Variants in LUC7L2 observed in about 807,000 individuals in gnomAD.
The protein encoded by LUC7L2 is LUC7 like 2, pre-mRNA splicing factor.
LUC7L2 carries 25 observed loss-of-function variants against 52.8 expected under a neutral mutation model. The ratio of observed to expected loss-of-function variants is 0.47; its 90% confidence interval spans 0.34 to 0.66. The LOEUF is 0.66. LUC7L2 is among the 30% of genes least tolerant of loss of function. The pLI, the probability that LUC7L2 is intolerant of heterozygous loss-of-function variation, is 0.01. For missense variants in LUC7L2, 328 were observed against 497.8 expected (o/e 0.66, Z 3.25); for synonymous variants, 144 against 160.9 (o/e 0.89, Z 0.80).
chr7:139,417,436 T>A, intron 8 of LUC7L2, 102 bp from the exon 9 acceptor site: 5 of 1,422,828 alleles, frequency 3.5e-6, no homozygotes, highest in South Asian at 1.4e-5. Flanking sequence ...ATAATTGACA[T>A]TAAGACTACT....
At chr7:139,348,895 T>G (rs546712027) in intron 1 of LUC7L2, among the ~76,000 whole-genome samples, 1 of 152,032 alleles carries the variant, frequency 6.6e-6, no homozygotes, top group Non-Finnish European at 1.5e-5. Flanking sequence ...GCATGGTGGC[T>G]CACGCCTGTA....
chr7:139,355,628 C>G (rs966457959), upstream of LUC7L2, among the ~76,000 whole-genome samples: 1 of 152,072 alleles, frequency 6.6e-6, no homozygotes, highest in Non-Finnish European at 1.5e-5. Flanking sequence ...ATGGATTTAA[C>G]AACAAATTAG....
At chr7:139,345,761 A>G (rs1799243486) in intron 1 of LUC7L2, 3 of 1,505,974 alleles carry the variant, frequency 2.0e-6, no homozygotes, top group Admixed American at 4.6e-5. Context: ...ATTTCTATCA[A>G]TATGTATTTA....
chr7:139,415,603 G>A (rs10085770), intron 8 of LUC7L2, among the ~76,000 whole-genome samples: 54,227 of 142,000 alleles, frequency 0.38, 14,579 homozygotes, highest in African/African-American at 0.77. Context: ...TTGAGACAGG[G>A]TCTCACTCTG....
At chr7:139,390,100 C>G (rs918039178) in intron 2 of LUC7L2, among the ~76,000 whole-genome samples, 5 of 152,096 alleles carry the variant, frequency 3.3e-5, no homozygotes, top group African/African-American at 1.2e-4. Flanking sequence ...CCGCAGTGAG[C>G]TATGATTGTG....
At chr7:139,383,501 TC>T (rs1801150881) in intron 2 of LUC7L2, among the ~76,000 whole-genome samples, 1 of 152,076 alleles carries the variant, frequency 6.6e-6, no homozygotes, top group Non-Finnish European at 1.5e-5. Context: ...AACCTCTGCC[TC>T]CCGGGCTCAA....
At chr7:139,377,255 C>T (rs944247255) in intron 2 of LUC7L2, among the ~76,000 whole-genome samples, 13 of 152,064 alleles carry the variant, frequency 8.5e-5, no homozygotes, top group African/African-American at 9.7e-5. Context: ...CCAGGCTTGG[C>T]GTGCAGTGGC....
At chr7:139,341,774 C>T (rs1158997566) in intron 1 of LUC7L2, among the ~76,000 whole-genome samples, 2 of 152,166 alleles carry the variant, frequency 1.3e-5, no homozygotes, top group Admixed American at 1.3e-4. Flanking sequence ...GGGGCGGACC[C>T]GTCCCGAAGG....
intron 2 of LUC7L2, among the ~76,000 whole-genome samples, chr7:139,381,048 C>G (rs754423985): frequency 6.6e-6 from 1 of 152,048 alleles, no homozygotes; most frequent in Non-Finnish European, 1.5e-5. Context: ...CTCATCATAG[C>G]GTAACTTTAC....
chr7:139,371,284 G>A (rs1800437586), intron 1 of LUC7L2: 1 of 655,912 alleles, frequency 1.5e-6, no homozygotes, highest in African/African-American at 1.8e-5. Flanking sequence ...GCCTGATAAT[G>A]TACAGTGAAA....
intron 1 of LUC7L2, among the ~76,000 whole-genome samples, chr7:139,348,366 G>C (rs1379574712): frequency 6.6e-6 from 1 of 151,698 alleles, no homozygotes; most frequent in African/African-American, 2.4e-5. Flanking sequence ...ATTTGAGGCA[G>C]AATTGTCTAA....
At chr7:139,379,000 TTGTA>T (rs1800852473) in intron 2 of LUC7L2, among the ~76,000 whole-genome samples, 1 of 152,098 alleles carries the variant, frequency 6.6e-6, no homozygotes, top group East Asian at 1.9e-4. Flanking sequence ...TACCTAAAGA[TTGTA>T]TGACTAAAGG....
chr7:139,375,888 C>G, intron 1 of LUC7L2, 174 bp from the exon 2 acceptor site: 1 of 610,618 alleles, frequency 1.6e-6, no homozygotes. Flanking sequence ...CTTACTGCAA[C>G]TGCATGTTGT....
chr7:139,374,706 A>C (rs937183188), intron 1 of LUC7L2: 1 of 1,325,500 alleles, frequency 7.5e-7, no homozygotes, highest in African/African-American at 1.5e-5. Flanking sequence ...TTAAAATTTT[A>C]TATACCCTGG....
chr7:139,417,503 C>A, intron 8 of LUC7L2, 35 bp from the exon 9 acceptor site: 2 of 1,591,914 alleles, frequency 1.3e-6, no homozygotes, highest in South Asian at 1.1e-5. Flanking sequence ...ATAGTAATTA[C>A]AAAGGTAGAA....
intron 7 of LUC7L2, among the ~76,000 whole-genome samples, chr7:139,412,110 G>GA (rs1795383833): frequency 6.6e-6 from 1 of 150,938 alleles, no homozygotes; most frequent in African/African-American, 2.4e-5. Flanking sequence ...TTCAAATTTT[G>GA]AAAAAAATCG....
intron 1 of LUC7L2, among the ~76,000 whole-genome samples, chr7:139,367,424 G>A (rs905793458): frequency 3.9e-5 from 6 of 152,122 alleles, no homozygotes; most frequent in African/African-American, 1.4e-4. Context: ...TATGTAACTA[G>A]ACTCTTGTCA....
At position 139,405,801 on chromosome 7, in the gene LUC7L2, AG is replaced by A. The variant is rs540644540; in HGVS notation, c.510+15del. On this transcript the variant is annotated intron_variant, in intron 5 of 9. Coordinates refer to ENST00000354926, the MANE Select transcript of LUC7L2 (RefSeq NM_016019.5). ...AGAGAAGCAGAGGTAAATTCTTAAT[AG>A]TAGTAGACGAATTCTGCTTAATTTG... The A allele has an allele frequency of 2.8e-3, 4,403 of 1,583,864 alleles. 6 individuals are homozygous for A. Among genetic ancestry groups the A allele is most frequent in the Non-Finnish European group, 3.4e-3 (4,008 of 1,170,426 alleles).
chr7:139,356,523 G>C (rs1183700807), upstream of LUC7L2, among the ~76,000 whole-genome samples: 3 of 151,182 alleles, frequency 2.0e-5, no homozygotes, highest in African/African-American at 7.3e-5. Flanking sequence ...GGCTCACCCT[G>C]GTAATCTCAG....
Sources: gnomAD v4.1 joint callset for allele counts (sites outside exome capture counted in the v4.1 genomes callset) on GRCh38, gnomAD v4.1.1 for gene constraint, MANE v1.5 for transcripts, NCBI Gene and HGNC (gene_info 2026-07-23, HGNC 2026-07-21) for gene names.